Variants in CNN2 observed in about 807,000 individuals in gnomAD.
CNN2 encodes calponin 2.
In CNN2, 21 loss-of-function variants were observed where a neutral mutation model predicts 31.0. That is an observed-to-expected ratio of 0.68 (90% CI 0.48 to 0.98). The LOEUF is 0.98. CNN2 is among the 50% of genes least tolerant of loss of function. The probability of loss-of-function intolerance (pLI) is 0.00; values close to 1 mark genes in which losing one functional copy is unlikely to be tolerated. For missense variants in CNN2, 399 were observed against 427.3 expected (o/e 0.93, Z 0.58); for synonymous variants, 165 against 179.6 (o/e 0.92, Z 0.65).
chr19:1,033,378 C>T (rs904275879), intron 4 of CNN2, among the ~76,000 whole-genome samples: 17 of 151,896 alleles, frequency 1.1e-4, no homozygotes, highest in Non-Finnish European at 2.5e-4. Context: ...ATTACCTGGG[C>T]GTGGTGGTGC....
chr19:1,029,883 C>T, intron 1 of CNN2, among the ~76,000 whole-genome samples: 1 of 152,108 alleles, frequency 6.6e-6, no homozygotes, highest in Middle Eastern at 3.4e-3. Flanking sequence ...TATTTTAGTA[C>T]AGACGGGATT....
At chr19:1,030,696 G>T (rs1386325234) in intron 1 of CNN2, among the ~76,000 whole-genome samples, 3 of 152,204 alleles carry the variant, frequency 2.0e-5, no homozygotes, top group South Asian at 2.1e-4. Flanking sequence ...CTGTGAAATG[G>T]TGCGGTTTCA....
chr19:1,031,361 G>A (rs1361811755), intron 2 of CNN2, among the ~76,000 whole-genome samples, 169 bp downstream of exon 2: 1 of 146,548 alleles, frequency 6.8e-6, no homozygotes, highest in African/African-American at 2.5e-5. Context: ...TGGATCTCGA[G>A]GTCAGGAGTT....
Position 1,038,030 on chromosome 19 carries a change from A to C in CNN2, c.*130A>C. On this transcript the variant is annotated 3_prime_UTR_variant, in exon 7 of 7. Coordinates refer to ENST00000263097, the MANE Select transcript of CNN2 (RefSeq NM_004368.4). The stretch of plus-strand genomic sequence containing the variant: ...AGTCAACCAAGGGTCTGTGAGTGTC[A>C]GCGTGGGATCAGGCAGCAGAGCTTT... 1.0e-6 allele frequency: 1 copy of C among 953,280 alleles called. No individual in the cohort carries two copies. The highest frequency in any genetic ancestry group is 1.8e-5 in the South Asian group (1 of 56,766). The allele number at this position is 953,280 out of a possible 1,614,324, so 59.1% of individuals were successfully genotyped here. A position where few individuals can be genotyped will look rare whatever the true frequency, so the allele number is the denominator to read the frequency against.
chr19:1,030,077 A>G (rs1420666785), intron 1 of CNN2, among the ~76,000 whole-genome samples: 7 of 151,814 alleles, frequency 4.6e-5, no homozygotes, highest in South Asian at 2.1e-4. Flanking sequence ...ATGGCCCCCT[A>G]TACACTTTGC....
chr19:1,033,053 A>T, intron 4 of CNN2: 1 of 255,310 alleles, frequency 3.9e-6, no homozygotes, highest in Non-Finnish European at 7.9e-6. Flanking sequence ...TGCTGGGATT[A>T]CAGGCATGAG....
chr19:1,036,699 C>T (rs768003584), intron 6 of CNN2, 137 bp downstream of exon 6: 2 of 1,029,206 alleles, frequency 1.9e-6, no homozygotes, highest in Non-Finnish European at 3.0e-6. Context: ...CTCCGGCTTC[C>T]CTCCCCGCTC....
intron 1 of CNN2, among the ~76,000 whole-genome samples, chr19:1,027,438 G>A (rs1001456279): frequency 3.9e-5 from 6 of 152,264 alleles, no homozygotes. Flanking sequence ...ACTTTGGGGG[G>A]CGGAGCTGGG....
At position 1,038,959 on chromosome 19, in the gene CNN2, C is replaced by T. The variant is rs2144639830; in HGVS notation, c.*1059C>T. The T allele has an allele frequency of 6.6e-6, 1 of 152,552 alleles. No individual in the cohort carries two copies. Among genetic ancestry groups the T allele is most frequent in the Middle Eastern group, 3.4e-3 (1 of 294 alleles). The allele number at this position is 152,552 out of a possible 1,614,324, so 9.4% of individuals were successfully genotyped here. A position where few individuals can be genotyped will look rare whatever the true frequency, so the allele number is the denominator to read the frequency against. On this transcript the variant is annotated 3_prime_UTR_variant, in exon 7 of 7. Coordinates refer to ENST00000263097, the MANE Select transcript of CNN2 (RefSeq NM_004368.4). ...TGCTCCATCTTCCCCGGCCACATGCCCCGCCAAGTACTGCACAGGGACCCC... is the reference window on the plus strand; with the variant it reads ...TGCTCCATCTTCCCCGGCCACATGCTCCGCCAAGTACTGCACAGGGACCCC...
chr19:1,026,795 C>A, intron 1 of CNN2, 71 bp downstream of exon 1: 1 of 1,443,330 alleles, frequency 6.9e-7, no homozygotes, highest in Non-Finnish European at 9.3e-7. Context: ...CAGGAGCCCC[C>A]AGGCGCCCCC....
At chr19:1,028,322 G>T (rs548187609) in intron 1 of CNN2, among the ~76,000 whole-genome samples, 2 of 152,236 alleles carry the variant, frequency 1.3e-5, no homozygotes, top group South Asian at 4.2e-4. Context: ...TGGAAGAGCC[G>T]CTTAGCAGGC....
chr19:1,035,952 T>G, intron 4 of CNN2, 178 bp from the exon 5 acceptor site: 1 of 886,338 alleles, frequency 1.1e-6, no homozygotes, highest in African/African-American at 1.7e-5. Context: ...GAAACAGCTG[T>G]ATGATGGGTG....
At chr19:1,028,909 TG>T (rs945438980) in intron 1 of CNN2, among the ~76,000 whole-genome samples, 3 of 152,148 alleles carry the variant, frequency 2.0e-5, no homozygotes, top group Admixed American at 6.5e-5. Context: ...GAGCTGGTAC[TG>T]GGGGGCCTCC....
chr19:1,027,889 A>C (rs1339116296), intron 1 of CNN2, among the ~76,000 whole-genome samples: 1 of 152,162 alleles, frequency 6.6e-6, no homozygotes, highest in Non-Finnish European at 1.5e-5. Flanking sequence ...TGGAGGGAGA[A>C]TTCCTGCTTC....
intron 2 of CNN2, 51 bp from the exon 3 acceptor site, chr19:1,032,341 T>C (rs2039511611): frequency 2.5e-6 from 4 of 1,607,768 alleles, no homozygotes; most frequent in Non-Finnish European, 3.4e-6. Flanking sequence ...TCACGGTTCC[T>C]CGCTGCTCAC....
At chr19:1,030,771 C>T (rs1366297494) in intron 1 of CNN2, among the ~76,000 whole-genome samples, 2 of 152,136 alleles carry the variant, frequency 1.3e-5, no homozygotes, top group Non-Finnish European at 2.9e-5. Flanking sequence ...GGCGGGGAGG[C>T]AGATCCGGCC....
intron 1 of CNN2, chr19:1,026,985 G>C: frequency 2.3e-6 from 1 of 440,544 alleles, no homozygotes; most frequent in South Asian, 2.8e-5. Context: ...AGGGGTAGTT[G>C]GGTCTGACTT....
chr19:1,036,018 C>T (rs533293145), intron 4 of CNN2, 112 bp from the exon 5 acceptor site: 5 of 1,435,360 alleles, frequency 3.5e-6, no homozygotes, highest in African/African-American at 2.9e-5. Context: ...GGGCTCTGCG[C>T]GGCAGGCAGA....
At chr19:1,030,896 G>A (rs1010934142) in intron 1 of CNN2, 175 bp from the exon 2 acceptor site, 31 of 764,466 alleles carry the variant, frequency 4.1e-5, no homozygotes, top group South Asian at 7.4e-5. Flanking sequence ...TGGCTGGGGC[G>A]CCCCCAATGA....
Sources: gnomAD v4.1 joint callset for allele counts (sites outside exome capture counted in the v4.1 genomes callset) on GRCh38, gnomAD v4.1.1 for gene constraint, MANE v1.5 for transcripts, NCBI Gene and HGNC (gene_info 2026-07-23, HGNC 2026-07-21) for gene names.